PHAX: variants seen among roughly 807,000 people sequenced by gnomAD.
PHAX encodes phosphorylated adaptor for RNA export.
In PHAX, 31 loss-of-function variants were observed where a neutral mutation model predicts 41.6. The ratio of observed to expected loss-of-function variants is 0.75; its 90% CI spans 0.56 to 1.01. The LOEUF is 1.01. Ranked by LOEUF, PHAX falls within the 50% of genes least tolerant of loss-of-function variation. The pLI is 0.00. For synonymous variants in PHAX, 175 were observed against 164.9 expected (o/e 1.06, Z -0.47); for missense variants, 453 against 472.9 (o/e 0.96, Z 0.39).
intron 1 of PHAX, among the ~76,000 whole-genome samples, chr5:126,603,229 CA>C (rs59916245): frequency 2.1e-4 from 31 of 145,174 alleles, no homozygotes; most frequent in Admixed American, 4.1e-4. Flanking sequence ...AACTTTGTCT[CA>C]AAAAAAAAAA....
Position 126,617,409 on chromosome 5 carries a change from G to C in PHAX, c.915+76G>C, listed in dbSNP as rs1048317234. 2.7e-5 allele frequency: 21 copies of C among 770,702 alleles called. No individual in the cohort carries two copies. The African/African-American group carries it at 3.3e-4, about 12-fold the overall frequency. 47.7% of individuals were successfully genotyped at this position (770,702 alleles called of 1,614,324 possible). ...TCACCCTCTACCTTCATTTTCTATG[G>C]ATATGCATTACCTGTTCTGCCTTCA... On this transcript the variant is annotated intron_variant, in intron 4 of 4. Transcript: ENST00000297540.
At chr5:126,619,124 T>C (rs1357141190) in intron 4 of PHAX, among the ~76,000 whole-genome samples, 1 of 152,050 alleles carries the variant, frequency 6.6e-6, no homozygotes, top group East Asian at 1.9e-4. Context: ...ACGGAGTTTC[T>C]CCATGTTGGC....
At chr5:126,608,572 C>A in intron 3 of PHAX, 88 bp downstream of exon 3, 1 of 1,019,640 alleles carries the variant, frequency 9.8e-7, no homozygotes, top group Non-Finnish European at 1.5e-6. Context: ...CTTGTTGGAT[C>A]TGTGATTTAT....
Position 126,617,433 on chromosome 5 carries a change from C to T in PHAX, c.915+100C>T, listed in dbSNP as rs1040923469. ...GGATATGCATTACCTGTTCTGCCTT[C>T]AGTGGACTGATTTTGTTATTATCTT... is the stretch of plus-strand genomic sequence containing the variant. On this transcript the variant is annotated intron_variant, in intron 4 of 4. Transcript: ENST00000297540. The T allele has an allele frequency of 1.9e-5, 12 of 618,976 alleles. No homozygotes were observed. The East Asian group carries it at 2.9e-4, about 15-fold the overall frequency. The allele number at this position is 618,976 out of a possible 1,614,324, so 38.3% of individuals were successfully genotyped here.
At chr5:126,612,732 G>C (rs943777494) in intron 3 of PHAX, among the ~76,000 whole-genome samples, 1 of 152,044 alleles carries the variant, frequency 6.6e-6, no homozygotes. Context: ...TTTCCTTTCC[G>C]CTGCTGTTTT....
At chr5:126,610,289 A>G (rs1280275412) in intron 3 of PHAX, among the ~76,000 whole-genome samples, 1 of 152,116 alleles carries the variant, frequency 6.6e-6, no homozygotes, top group Non-Finnish European at 1.5e-5. Flanking sequence ...GGCATATCTC[A>G]TTGAATTCAG....
intron 4 of PHAX, among the ~76,000 whole-genome samples, chr5:126,618,753 G>T (rs780583498): frequency 6.6e-6 from 1 of 151,382 alleles, no homozygotes; most frequent in African/African-American, 2.4e-5. Flanking sequence ...CTGCCTCCCG[G>T]GTTCAAGCAA....
chr5:126,608,510 T>C, intron 3 of PHAX, 26 bp downstream of exon 3: 1 of 1,572,834 alleles, frequency 6.4e-7, no homozygotes, highest in Non-Finnish European at 8.6e-7. Flanking sequence ...TGTTTTTGTT[T>C]TTGTATTGTT....
At chr5:126,606,281 C>T (rs1581416552) in intron 2 of PHAX, among the ~76,000 whole-genome samples, 2 of 152,010 alleles carry the variant, frequency 1.3e-5, no homozygotes, top group Admixed American at 1.3e-4. Context: ...CTGCAACCTC[C>T]GCCTCCTGGG....
rs1460075519 is a variant in PHAX at position 126,627,189 on chromosome 5, G to A, written c.*2345G>A. On this transcript the variant is annotated 3_prime_UTR_variant, in exon 5 of 5. Coordinates refer to ENST00000297540, the MANE Select transcript of PHAX (RefSeq NM_032177.4). ...TGAAGTTGGATCTAAGAGGAAAGTG[G>A]TTATCGGTTGCTTTTTATTTATAAA... 2 of 152,146 alleles carry A rather than the reference G, an allele frequency of 1.3e-5. No homozygotes were observed. The highest frequency in any genetic ancestry group is 2.9e-5 in the Non-Finnish European group (2 of 68,026). The allele number at this position is 152,146 out of a possible 1,614,324, so 9.4% of individuals were successfully genotyped here.
In PHAX at chr5:126,625,250, G is replaced by T; in HGVS notation, c.*406G>T. ...TATAAATTATTAAGCTGTTAGAAAT[G>T]CATTCAAATTTGTTTTTTCTGTGTT... On this transcript the variant is annotated 3_prime_UTR_variant, in exon 5 of 5. Coordinates refer to ENST00000297540, the MANE Select transcript of PHAX (RefSeq NM_032177.4). 6.3e-6 allele frequency: 1 copy of T among 157,698 alleles called. No individual in the cohort carries two copies. The highest frequency in any genetic ancestry group is 1.4e-5 in the Non-Finnish European group (1 of 71,688). The allele number at this position is 157,698 out of a possible 1,614,324, so 9.8% of individuals were successfully genotyped here.
chr5:126,625,812 T>A lies in PHAX; in HGVS notation c.*968T>A, dbSNP rs559620128. 6.6e-6 allele frequency: 1 copy of A among 152,110 alleles called. No individual in the cohort carries two copies. The highest frequency in any genetic ancestry group is 1.5e-5 in the Non-Finnish European group (1 of 68,024). 9.4% of individuals were successfully genotyped at this position (152,110 alleles called of 1,614,324 possible). A position where few individuals can be genotyped will look rare whatever the true frequency, so the allele number is the denominator to read the frequency against. On this transcript the variant is annotated 3_prime_UTR_variant, in exon 5 of 5. Transcript: ENST00000297540. Reference sequence around the variant, plus strand: ...CATCTCCCAGGTTCAAGCGATCATGTGCCTAAGCCTCCTGAGTAGCTGGGA... The same window carrying A: ...CATCTCCCAGGTTCAAGCGATCATGAGCCTAAGCCTCCTGAGTAGCTGGGA...
At chr5:126,619,920 T>C (rs1752244369) in intron 4 of PHAX, among the ~76,000 whole-genome samples, 1 of 152,214 alleles carries the variant, frequency 6.6e-6, no homozygotes, top group Non-Finnish European at 1.5e-5. Context: ...ACAGCTGTTG[T>C]ATTTGAGTAG....
In PHAX at chr5:126,609,583, G is replaced by C. The variant is rs571874896; in HGVS notation, c.831+1099G>C. On this transcript the variant is annotated intron_variant, in intron 3 of 4. Coordinates refer to ENST00000297540, the MANE Select transcript of PHAX (RefSeq NM_032177.4). Reference sequence around the variant, plus strand: ...CTCCTCAGCTGTAAAATGGAGATTAGTCCTACATTTTAAGGATTAGAGGAG... The same window carrying C: ...CTCCTCAGCTGTAAAATGGAGATTACTCCTACATTTTAAGGATTAGAGGAG... Among the ~76,000 whole-genome samples the C allele has an allele frequency of 3.9e-5, 6 of 152,080 alleles. No individual in the cohort carries two copies. The East Asian group carries it at 1.2e-3, about 29-fold the overall frequency.
In PHAX at chr5:126,627,122, A is replaced by G. The variant is rs925135476; in HGVS notation, c.*2278A>G. ...CAATTATAAACTGTTCCTTACAGAC[A>G]GTGTACTTGAAGTCTTTTGGTAGTT... On this transcript the variant is annotated 3_prime_UTR_variant, in exon 5 of 5. Transcript: ENST00000297540. 1.3e-4 allele frequency: 20 copies of G among 152,226 alleles called. No individual in the cohort carries two copies. The highest frequency in any genetic ancestry group is 4.6e-4 in the African/African-American group (19 of 41,462). The allele number at this position is 152,226 out of a possible 1,614,324, so 9.4% of individuals were successfully genotyped here.
chr5:126,615,390 G>A (rs1012316333), intron 3 of PHAX, among the ~76,000 whole-genome samples: 10 of 151,906 alleles, frequency 6.6e-5, no homozygotes, highest in South Asian at 4.1e-4. Flanking sequence ...TGAGTTGTCC[G>A]ACATGCACAT....
intron 3 of PHAX, among the ~76,000 whole-genome samples, chr5:126,613,539 G>A (rs1450779704): frequency 3.3e-5 from 5 of 151,994 alleles, no homozygotes; most frequent in Admixed American, 6.6e-5. Flanking sequence ...TTAGCTGTAT[G>A]TTGTGGCACA....
chr5:126,603,400 G>T (rs4597966), intron 1 of PHAX, among the ~76,000 whole-genome samples, 170 bp from the exon 2 acceptor site: 5 of 152,044 alleles, frequency 3.3e-5, no homozygotes, highest in African/African-American at 1.2e-4. Context: ...CTTTTAAATT[G>T]GCAAATTCCA....
intron 4 of PHAX, among the ~76,000 whole-genome samples, chr5:126,621,938 T>G (rs1752279760): frequency 1.3e-5 from 2 of 152,140 alleles, no homozygotes; most frequent in Admixed American, 6.6e-5. Context: ...CGCATGGGAA[T>G]GAAGTTTGTT....
Sources: allele counts gnomAD v4.1 joint callset (sites outside exome capture counted in the v4.1 genomes callset), GRCh38; gene constraint gnomAD v4.1.1; transcripts MANE v1.5; gene names NCBI Gene and HGNC (gene_info 2026-07-23, HGNC 2026-07-21).